Variants in SNTB1 observed in about 807,000 individuals in gnomAD.
SNTB1 encodes the protein syntrophin beta 1, also known as beta-1-syntrophin.
Under a neutral mutation model 48.9 loss-of-function variants are expected in SNTB1, and 36 were observed. That is an observed-to-expected ratio of 0.74 (90% CI 0.56 to 0.97). The LOEUF is 0.97. Ranked by LOEUF, SNTB1 falls within the 50% of genes least tolerant of loss-of-function variation. The probability of loss-of-function intolerance (pLI) is 0.00; values close to 1 mark genes in which losing one functional copy is unlikely to be tolerated. For synonymous variants in SNTB1, 299 were observed against 294.6 expected (o/e 1.01, Z -0.15); for missense variants, 786 against 703.4 (o/e 1.12, Z -1.33).
intron 3 of SNTB1, among the ~76,000 whole-genome samples, chr8:120,613,574 C>A (rs1372844427): frequency 6.6e-6 from 1 of 152,098 alleles, no homozygotes; most frequent in African/African-American, 2.4e-5. Context: ...TGCTAGTATA[C>A]AGTAATGTCA....
intron 3 of SNTB1, among the ~76,000 whole-genome samples, chr8:120,621,965 G>A (rs1312478054): frequency 3.9e-5 from 6 of 152,144 alleles, no homozygotes; most frequent in African/African-American, 7.2e-5. Flanking sequence ...TGCCAACAGG[G>A]AATCATTTTC....
intron 1 of SNTB1, chr8:120,775,265 C>G (rs944854720): frequency 1.3e-5 from 2 of 152,122 alleles, no homozygotes. Flanking sequence ...ACCGAAAAAA[C>G]TCATTGCAGG....
intron 6 of SNTB1, among the ~76,000 whole-genome samples, chr8:120,539,537 C>T (rs1036988351): frequency 5.3e-5 from 8 of 152,214 alleles, no homozygotes; most frequent in Admixed American, 5.2e-4. Flanking sequence ...TGTTTAAGCA[C>T]GTATGCCACA....
chr8:120,799,881 T>C (rs1188406992), intron 1 of SNTB1, among the ~76,000 whole-genome samples: 2 of 152,024 alleles, frequency 1.3e-5, no homozygotes, highest in African/African-American at 4.8e-5. Context: ...CTACTGGGCA[T>C]TATGCAACTT....
intron 1 of SNTB1, among the ~76,000 whole-genome samples, chr8:120,750,657 G>T (rs572600318): frequency 3.6e-4 from 54 of 152,064 alleles, no homozygotes; most frequent in Admixed American, 3.9e-4. Context: ...ATACACTGGG[G>T]TGTATCTGGC....
chr8:120,603,542 T>C lies in SNTB1; in HGVS notation c.997-28317A>G, dbSNP rs150086527. Among the ~76,000 whole-genome samples the C allele has an allele frequency of 6.3e-3, 959 of 152,296 alleles. 7 individuals carry two copies. Among genetic ancestry groups the C allele is most frequent in the African/African-American group, 0.021 (889 of 41,552 alleles). On this transcript the variant is annotated intron_variant, in intron 3 of 6. Coordinates refer to ENST00000517992, the MANE Select transcript of SNTB1 (RefSeq NM_021021.4). ...GCATTGCCTGGGAACTTGTTAAAAATGCAAATTCTTGCATCACACCTCAAA... is the reference window on the plus strand; with the variant it reads ...GCATTGCCTGGGAACTTGTTAAAAACGCAAATTCTTGCATCACACCTCAAA...
At position 120,575,203 on chromosome 8, in the gene SNTB1, T is replaced by A; in HGVS notation, c.1019A>T (p.Gln340Leu). The change falls in exon 4 of 7, where the codon CAG becomes CTG. Residue 340 changes from glutamine to leucine, a missense_variant. Gln to Leu is a moderately radical substitution (Grantham distance 113, BLOSUM62 -2). Coordinates refer to ENST00000517992, the MANE Select transcript of SNTB1 (RefSeq NM_021021.4). ...CAGCACAACCAGGGCTGGTTTCCAC[T>A]GTTTCTTGCTCTCCCCTGGCACCTG... ...AEKVPGESKK[Q>L]WKPALVVLTE... The A allele has an allele frequency of 6.2e-7, 1 of 1,614,172 alleles. No homozygotes were observed.
At chr8:120,790,251 C>G (rs1820005026) in intron 1 of SNTB1, among the ~76,000 whole-genome samples, 1 of 151,856 alleles carries the variant, frequency 6.6e-6, no homozygotes, top group Non-Finnish European at 1.5e-5. Context: ...ATAATAAAAT[C>G]CATATATGAC....
chr8:120,759,850 G>C (rs1819385674), intron 1 of SNTB1, among the ~76,000 whole-genome samples: 1 of 150,550 alleles, frequency 6.6e-6, no homozygotes, highest in African/African-American at 2.5e-5. Flanking sequence ...CTAAATGTGA[G>C]GATCCTCTCC....
chr8:120,633,300 T>C (rs969948257), intron 2 of SNTB1, among the ~76,000 whole-genome samples: 1 of 152,162 alleles, frequency 6.6e-6, no homozygotes, highest in Admixed American at 6.5e-5. Context: ...AGAGATGCAC[T>C]AAATGTATTC....
At chr8:120,634,476 G>C (rs1165608352) in intron 2 of SNTB1, among the ~76,000 whole-genome samples, 4 of 152,180 alleles carry the variant, frequency 2.6e-5, no homozygotes, top group South Asian at 2.1e-4. Flanking sequence ...CACACCGTTG[G>C]TGATGCTGGG....
intron 1 of SNTB1, among the ~76,000 whole-genome samples, chr8:120,767,764 C>T (rs550839851): frequency 1.3e-5 from 2 of 152,304 alleles, no homozygotes; most frequent in Admixed American, 6.5e-5. Context: ...ATCAAAAGTT[C>T]TTTCGATAGT....
rs1350980767 is a variant in SNTB1, at chr8:120,730,384, C to T, written c.572-36476G>A. Among the ~76,000 whole-genome samples the T allele has an allele frequency of 5.9e-5, 9 of 152,112 alleles. No individual in the cohort carries two copies. In the South Asian group the frequency reaches 6.2e-4, roughly 11 times the overall value. ...TTGTATTTTTAGTAGAGTAGGGTTTCGCCATGTTGGCCAGGCTGGTATCAA... is the reference window on the plus strand; with the variant it reads ...TTGTATTTTTAGTAGAGTAGGGTTTTGCCATGTTGGCCAGGCTGGTATCAA... On this transcript the variant is annotated intron_variant, in intron 1 of 6. Transcript: ENST00000517992.
intron 3 of SNTB1, among the ~76,000 whole-genome samples, chr8:120,630,878 A>C (rs1816968611): frequency 6.6e-6 from 1 of 152,226 alleles, no homozygotes; most frequent in African/African-American, 2.4e-5. Flanking sequence ...GACAACCAGG[A>C]GCAAAGAAAA....
intron 3 of SNTB1, among the ~76,000 whole-genome samples, chr8:120,624,195 C>G (rs998885195): frequency 6.6e-6 from 1 of 152,160 alleles, no homozygotes; most frequent in Non-Finnish European, 1.5e-5. Context: ...ATCTCAGCCT[C>G]CCAACATGCT....
Position 120,569,010 on chromosome 8 carries a change from C to T in SNTB1, c.1136+6076G>A, listed in dbSNP as rs192322988. On this transcript the variant is annotated intron_variant, in intron 4 of 6. Transcript: ENST00000517992. ...TGCTTGTTTGTTTTTGAGATAGAGTCTTGCTCTGTTGCCCAGGCTGGAGTG... is the reference window on the plus strand; with the variant it reads ...TGCTTGTTTGTTTTTGAGATAGAGTTTTGCTCTGTTGCCCAGGCTGGAGTG... Among the ~76,000 whole-genome samples the T allele has an allele frequency of 7.7e-4, 118 of 152,272 alleles. 1 individual carries two copies. Among genetic ancestry groups the T allele is most frequent in the African/African-American group, 2.6e-3 (108 of 41,554 alleles).
intron 3 of SNTB1, among the ~76,000 whole-genome samples, chr8:120,622,142 T>G (rs1816804155): frequency 6.6e-6 from 1 of 152,150 alleles, no homozygotes; most frequent in African/African-American, 2.4e-5. Context: ...TGGAGAAATA[T>G]TTTAGGGCCT....
At chr8:120,584,467 G>A (rs1380349712) in intron 3 of SNTB1, among the ~76,000 whole-genome samples, 3 of 142,092 alleles carry the variant, frequency 2.1e-5, no homozygotes, top group African/African-American at 8.1e-5. Flanking sequence ...AAAAAGTGTA[G>A]TAATTTAGAA....
chr8:120,770,686 G>A (rs1361535207), intron 1 of SNTB1, among the ~76,000 whole-genome samples: 1 of 152,072 alleles, frequency 6.6e-6, no homozygotes, highest in Admixed American at 6.6e-5. Context: ...GATGGCAGGC[G>A]CCGGTAATCC....
Sources: allele counts gnomAD v4.1 joint callset (sites outside exome capture counted in the v4.1 genomes callset), GRCh38; gene constraint gnomAD v4.1.1; transcripts MANE v1.5; gene names NCBI Gene and HGNC (gene_info 2026-07-23, HGNC 2026-07-21).